The following ZNF91 variants were observed in gnomAD, a reference collection of about 807,000 sequenced individuals.
The protein encoded by ZNF91 is zinc finger protein 91.
ZNF91 carries 7 observed loss-of-function variants against 12.6 expected under a neutral mutation model. The observed-to-expected ratio is 0.55, with a 90% CI of 0.31 to 1.04. The LOEUF (loss-of-function observed/expected upper bound fraction) is 1.04, where lower values mean the gene tolerates loss of function less well. Among genes scored for constraint, ZNF91 ranks in the 50% least tolerant of loss-of-function variants. The pLI, the probability that ZNF91 is intolerant of heterozygous loss-of-function variation, is 0.05. For synonymous variants in ZNF91, 453 were observed against 462.6 expected (o/e 0.98, Z 0.27); for missense variants, 1,217 against 1,385.4 (o/e 0.88, Z 1.93).
Position 23,359,120 on chromosome 19 carries a change from GT to G in ZNF91, c.*282del. 1 of 554,386 alleles carries G rather than the reference GT, an allele frequency of 1.8e-6. No individual in the cohort carries two copies. Among genetic ancestry groups the G allele is most frequent in the Admixed American group, 2.4e-5 (1 of 42,504 alleles). The allele number at this position is 554,386 out of a possible 1,614,324, so 34.3% of individuals were successfully genotyped here. A position where few individuals can be genotyped will look rare whatever the true frequency, so the allele number is the denominator to read the frequency against. ...TTGCCACATTCTTCACATTTGTAGAGTTTTACTCCAGTATGAATTACCTTAT... is the reference window on the plus strand; with the variant it reads ...TTGCCACATTCTTCACATTTGTAGAGTTTACTCCAGTATGAATTACCTTAT... On this transcript the variant is annotated 3_prime_UTR_variant, in exon 4 of 4. Transcript: ENST00000300619.
chr19:23,384,071 T>C (rs1969800204), intron 1 of ZNF91, among the ~76,000 whole-genome samples: 2 of 152,078 alleles, frequency 1.3e-5, no homozygotes, highest in Non-Finnish European at 2.9e-5. Context: ...ATCGTGCCAC[T>C]ACCCTCCAGC....
At chr19:23,367,610 AC>A (rs1238392638) in intron 3 of ZNF91, among the ~76,000 whole-genome samples, 1 of 152,212 alleles carries the variant, frequency 6.6e-6, no homozygotes, top group African/African-American at 2.4e-5. Context: ...TGGAAAAAAA[AC>A]AAAGGCATTA....
intron 3 of ZNF91, among the ~76,000 whole-genome samples, 196 bp from the exon 4 acceptor site, chr19:23,362,921 T>C (rs1410904678): frequency 6.6e-6 from 1 of 152,232 alleles, no homozygotes; most frequent in East Asian, 1.9e-4. Context: ...TCACCCAGGC[T>C]GGAGTGCAGT....
intron 3 of ZNF91, among the ~76,000 whole-genome samples, chr19:23,372,511 T>G (rs755988816): frequency 6.6e-6 from 1 of 152,220 alleles, no homozygotes; most frequent in Non-Finnish European, 1.5e-5. Flanking sequence ...GTAATCCTTT[T>G]TAGAAGGCAA....
intron 1 of ZNF91, chr19:23,385,213 G>A: frequency 3.2e-6 from 2 of 616,154 alleles, no homozygotes; most frequent in South Asian, 4.3e-5. Context: ...TGATCTTACA[G>A]GTTCCCTCCT....
In ZNF91 at chr19:23,362,459, T is replaced by C. The variant is rs537696480; in HGVS notation, c.520A>G (p.Ile174Val). ...AAGCATTTCTTTCCAGTATGTCTTA[T>C]CGTATGTCTGTTTGAATTTAAAAAT... ...YKFLNSNRHT[I>V]RHTGKKCFKC... Residue 174 changes from isoleucine (I) to valine (V), a missense_variant, in exon 4 of 4, where the codon ATA becomes GTA. Coordinates refer to ENST00000300619, the MANE Select transcript of ZNF91 (RefSeq NM_003430.4). The C allele has an allele frequency of 6.2e-7, 1 of 1,609,016 alleles. No homozygotes were observed. Among genetic ancestry groups the C allele is most frequent in the African/African-American group, 1.3e-5 (1 of 74,626 alleles).
rs199855532 is a variant in ZNF91, at chr19:23,395,392, C to A, written c.-38G>T. 7.6e-5 allele frequency: 122 copies of A among 1,612,066 alleles called. No homozygotes were observed. The highest frequency in any genetic ancestry group is 6.4e-4 in the South Asian group (58 of 90,988). On this transcript the variant is annotated 5_prime_UTR_variant, in exon 1 of 4. Transcript: ENST00000300619. ...TCTCCAATACCTGCAGGTCACAGGG[C>A]CACACAGGCTGGGCCTCCTGGAGCA...
At chr19:23,377,361 T>C (rs1346282406) in intron 1 of ZNF91, among the ~76,000 whole-genome samples, 1 of 152,038 alleles carries the variant, frequency 6.6e-6, no homozygotes, top group East Asian at 1.9e-4. Flanking sequence ...CACAAGAGAG[T>C]TCTGTGAATT....
intron 1 of ZNF91, chr19:23,328,835 T>G (rs960571422): frequency 6.6e-6 from 1 of 152,222 alleles, no homozygotes; most frequent in African/African-American, 2.4e-5. Flanking sequence ...GATAGATAAC[T>G]TCCTGATCTT....
In ZNF91 at chr19:23,395,397, C is replaced by G. The variant is rs940406300; in HGVS notation, c.-43G>C. 11 of 1,610,194 alleles carry G rather than the reference C, an allele frequency of 6.8e-6. No homozygotes were observed. The highest frequency in any genetic ancestry group is 9.3e-6 in the Non-Finnish European group (11 of 1,178,124). On this transcript the variant is annotated 5_prime_UTR_variant, in exon 1 of 4. Transcript: ENST00000300619. Reference sequence around the variant, plus strand: ...AATACCTGCAGGTCACAGGGCCACACAGGCTGGGCCTCCTGGAGCAGAGGA... The same window carrying G: ...AATACCTGCAGGTCACAGGGCCACAGAGGCTGGGCCTCCTGGAGCAGAGGA...
At chr19:23,347,832 G>T (rs1376367799) in intron 3 of ZNF91, among the ~76,000 whole-genome samples, 4 of 152,152 alleles carry the variant, frequency 2.6e-5, no homozygotes, top group African/African-American at 4.8e-5. Context: ...ACCCAGGCAA[G>T]ATTTTCAAGT....
rs1297900089 is a variant in ZNF91 at position 23,338,903 on chromosome 19, T to G, written c.*36A>C. 4 of 151,740 alleles carry G rather than the reference T, an allele frequency of 2.6e-5. No individual in the cohort carries two copies. The East Asian group carries it at 5.8e-4, about 22-fold the overall frequency. 9.4% of individuals were successfully genotyped at this position (151,740 alleles called of 1,614,324 possible). A position where few individuals can be genotyped will look rare whatever the true frequency, so the allele number is the denominator to read the frequency against. Reference sequence around the variant, plus strand: ...CCCGTCTCTTCTGAAAATACAAAAATTAGCTGAGCGTGGTGGTGTGTGCCT... The same window carrying G: ...CCCGTCTCTTCTGAAAATACAAAAAGTAGCTGAGCGTGGTGGTGTGTGCCT... On this transcript the variant is annotated 3_prime_UTR_variant, in exon 4 of 4. Coordinates refer to the ZNF91 transcript ENST00000599743.
intron 3 of ZNF91, among the ~76,000 whole-genome samples, chr19:23,348,796 G>C (rs945677006): frequency 1.3e-5 from 2 of 152,234 alleles, no homozygotes; most frequent in East Asian, 1.9e-4. Flanking sequence ...TCTTCTCACA[G>C]ACAGCCTATG....
intron 1 of ZNF91, chr19:23,309,241 ACTC>A (rs1967436355): frequency 6.6e-6 from 1 of 151,604 alleles, no homozygotes; most frequent in South Asian, 2.1e-4. Context: ...TGTATGAGAG[ACTC>A]CTGCCTGGGC....
intron 3 of ZNF91, among the ~76,000 whole-genome samples, chr19:23,368,942 C>T (rs1969140754): frequency 6.6e-6 from 1 of 151,998 alleles, no homozygotes; most frequent in African/African-American, 2.4e-5. Flanking sequence ...CAATGAGAAA[C>T]AAAATCCCCT....
In ZNF91 at chr19:23,361,817, T is replaced by C. The variant is rs759911594; in HGVS notation, c.1162A>G (p.Lys388Glu). The change falls in exon 4 of 4, where the codon AAG becomes GAG. Residue 388 changes from lysine (K) to glutamate (E), a missense_variant. By Grantham distance (56) the Lys-to-Glu change is moderately conservative. Coordinates refer to ENST00000300619, the MANE Select transcript of ZNF91 (RefSeq NM_003430.4). ...TGTTTAGTAAGGGTTGAGAGTCGCT[T>C]AAAAGCTTTGTCACATTCTTTACAT... ...YKCKECDKAFKRLSTLTKHKI... is the reference protein window; with the variant it reads ...YKCKECDKAFERLSTLTKHKI... 6.2e-7 allele frequency: 1 copy of C among 1,609,230 alleles called. No individual in the cohort carries two copies. Among genetic ancestry groups the C allele is most frequent in the Non-Finnish European group, 8.5e-7 (1 of 1,176,446 alleles).
At chr19:23,331,938 G>T (rs1967934862) in intron 1 of ZNF91, among the ~76,000 whole-genome samples, 1 of 152,118 alleles carries the variant, frequency 6.6e-6, no homozygotes, top group Non-Finnish European at 1.5e-5. Context: ...GCTGTCTCTG[G>T]TGTCTCTTCA....
At chr19:23,330,199 C>T (rs1967904820) in intron 1 of ZNF91, among the ~76,000 whole-genome samples, 1 of 151,996 alleles carries the variant, frequency 6.6e-6, no homozygotes, top group Non-Finnish European at 1.5e-5. Context: ...GGTGTTGGGG[C>T]GGGCGCCTGT....
chr19:23,320,125 C>T (rs1231371803), intron 1 of ZNF91, among the ~76,000 whole-genome samples: 3 of 152,136 alleles, frequency 2.0e-5, no homozygotes, highest in South Asian at 4.1e-4. Flanking sequence ...GAATCTCACA[C>T]GTAGACACAG....
Sources: gnomAD v4.1 joint callset for allele counts (sites outside exome capture counted in the v4.1 genomes callset) on GRCh38, gnomAD v4.1.1 for gene constraint, MANE v1.5 for transcripts, NCBI Gene and HGNC (gene_info 2026-07-23, HGNC 2026-07-21) for gene names.